TMCC2: variants seen among roughly 807,000 people sequenced by gnomAD.
TMCC2 encodes the protein transmembrane and coiled-coil domains protein 2.
A neutral mutation model predicts 49.4 loss-of-function variants in TMCC2; 16 were observed. The observed-to-expected ratio is 0.32, with a 90% CI of 0.22 to 0.49. The LOEUF (loss-of-function observed/expected upper bound fraction) is 0.49. Among genes scored for constraint, TMCC2 ranks in the 20% least tolerant of loss-of-function variants. TMCC2 has a pLI of 0.99. For synonymous variants in TMCC2, 397 were observed against 434.1 expected, an observed-to-expected ratio of 0.91 and a Z score of 1.06; for missense variants, 762 against 989.8, an observed-to-expected ratio of 0.77 and a Z score of 3.09.
intron 3 of TMCC2, among the ~76,000 whole-genome samples, chr1:205,270,720 C>A (rs1456204843): frequency 3.3e-5 from 5 of 152,316 alleles, no homozygotes; most frequent in Admixed American, 3.3e-4. Flanking sequence ...CCCTGGTACC[C>A]AGAGAGCATC....
intron 1 of TMCC2, among the ~76,000 whole-genome samples, chr1:205,231,484 A>G (rs776715733): frequency 6.6e-6 from 1 of 152,028 alleles, no homozygotes; most frequent in Non-Finnish European, 1.5e-5. Flanking sequence ...TTTTGTAGAG[A>G]CAGGGTCTTG....
chr1:205,251,888 CAGG>C (rs1660684311), intron 2 of TMCC2, among the ~76,000 whole-genome samples: 1 of 152,244 alleles, frequency 6.6e-6, no homozygotes, highest in Non-Finnish European at 1.5e-5. Flanking sequence ...CTTGAGTCAG[CAGG>C]AGCACACCAG....
At position 205,241,633 on chromosome 1, in the gene TMCC2, G is replaced by A. The variant is rs1383036875; in HGVS notation, c.336G>A (p.Gln112=). 1.2e-6 allele frequency: 2 copies of A among 1,613,922 alleles called. No individual in the cohort carries two copies. Among genetic ancestry groups the A allele is most frequent in the Non-Finnish European group, 1.7e-6 (2 of 1,180,002 alleles). ...ATTCCCAGCAGCATCAGCAGCAGCA[G>A]GGTATGTCCGACCATGACTCCCCAG... The part of the protein sequence containing the change: ...SQDSQQHQQQ[Q]GMSDHDSPDE... The change falls in exon 2 of 5, where the codon CAG becomes CAA. Residue 112 remains glutamine (Q), a synonymous_variant. Coordinates refer to ENST00000358024, the MANE Select transcript of TMCC2 (RefSeq NM_014858.4). The surrounding 1 kb of genome is among the most constrained non-coding windows in gnomAD (Gnocchi z 7.3).
At chr1:205,271,510 T>C (rs1345742521) in intron 4 of TMCC2, among the ~76,000 whole-genome samples, 1 of 152,236 alleles carries the variant, frequency 6.6e-6, no homozygotes, top group African/African-American at 2.4e-5. Context: ...ACCTCTTTGA[T>C]GGCAGCTTCG....
intron 2 of TMCC2, among the ~76,000 whole-genome samples, chr1:205,263,526 A>G (rs1661201559): frequency 6.6e-6 from 1 of 152,060 alleles, no homozygotes; most frequent in African/African-American, 2.4e-5. Flanking sequence ...CCCTTTCTCT[A>G]CAAAAAAATA....
At chr1:205,232,364 C>A (rs1158083043) in intron 1 of TMCC2, among the ~76,000 whole-genome samples, 1 of 152,204 alleles carries the variant, frequency 6.6e-6, no homozygotes, top group Non-Finnish European at 1.5e-5. Context: ...CACAACAATT[C>A]AGTCCCATTC....
chr1:205,263,318 A>G (rs961805465), intron 2 of TMCC2, among the ~76,000 whole-genome samples: 1 of 152,044 alleles, frequency 6.6e-6, no homozygotes, highest in Admixed American at 6.6e-5. Context: ...AAGGATTTGC[A>G]CGCCCTCAGA....
intron 2 of TMCC2, among the ~76,000 whole-genome samples, chr1:205,250,162 A>T (rs1347539931): frequency 6.6e-6 from 1 of 152,142 alleles, no homozygotes; most frequent in Non-Finnish European, 1.5e-5. Flanking sequence ...GACTTTTCAG[A>T]CAGAATCAGC....
At chr1:205,229,061 A>G in intron 1 of TMCC2, 1 of 1,253,996 alleles carries the variant, frequency 8.0e-7, no homozygotes, top group Non-Finnish European at 1.0e-6. Context: ...TCGCAGACAA[A>G]GGGCTGGAGA....
chr1:205,258,891 C>A (rs2102587556), intron 2 of TMCC2, among the ~76,000 whole-genome samples: 1 of 152,348 alleles, frequency 6.6e-6, no homozygotes, highest in South Asian at 2.1e-4. Flanking sequence ...AAAAGGGAAT[C>A]TGAGCGTTCT....
chr1:205,257,084 G>GCGCTCGGTGATCCTCCCT (rs1558652533), intron 2 of TMCC2: 1 of 1,073,036 alleles, frequency 9.3e-7, no homozygotes, highest in Non-Finnish European at 1.2e-6. Flanking sequence ...CGGTCCTCCC[G>GCGCTCGGTGATCCTCCCT]CGCTCGGTGA....
At position 205,264,287 on chromosome 1, in the gene TMCC2, A is replaced by G. The variant is rs902030174; in HGVS notation, c.748-4663A>G. 6.6e-6 allele frequency among the ~76,000 whole-genome samples: 1 copy of G among 152,206 alleles called. No homozygotes were observed. Among genetic ancestry groups the G allele is most frequent in the Non-Finnish European group, 1.5e-5 (1 of 68,032 alleles). On this transcript the variant is annotated intron_variant, in intron 2 of 4. Coordinates refer to ENST00000358024, the MANE Select transcript of TMCC2 (RefSeq NM_014858.4). The surrounding 1 kb of genome is among the most constrained non-coding windows in gnomAD (Gnocchi z 4.2). The stretch of plus-strand genomic sequence containing the variant: ...AGTACAATGTAAATACTATGAAAAT[A>G]GAAAATAGTGTGACACTGTTGTTTC...
In TMCC2 at chr1:205,243,383, C is replaced by CA. The variant is rs935646488; in HGVS notation, c.747+1348dup. Among the ~76,000 whole-genome samples, 19 of 144,246 alleles carry CA rather than the reference C, an allele frequency of 1.3e-4. 1 individual carries two copies. Among genetic ancestry groups the CA allele is most frequent in the Middle Eastern group, 3.5e-3 (1 of 284 alleles). The allele number at this position is 144,246 out of a possible 152,430, so 94.6% of individuals were successfully genotyped here. On this transcript the variant is annotated intron_variant, in intron 2 of 4. Coordinates refer to ENST00000358024, the MANE Select transcript of TMCC2 (RefSeq NM_014858.4). ...TGGGAGACAGAGCGAGACTTCGTCTCAAAAAAAAAGAAAAAACCAACAAAA... is the reference window on the plus strand; with the variant it reads ...TGGGAGACAGAGCGAGACTTCGTCTCAAAAAAAAAAGAAAAAACCAACAAAA...
At position 205,271,718 on chromosome 1, in the gene TMCC2, C is replaced by A. The variant is rs957982013; in HGVS notation, c.1819-95C>A. ...CTCCTGGCCTTTGGAGAGGAGACTT[C>A]GTTATAGGCACCTTCTCAGTGGGGT... On this transcript the variant is annotated intron_variant, in intron 4 of 4. Transcript: ENST00000358024. 4.3e-5 allele frequency: 63 copies of A among 1,481,364 alleles called. 2 individuals are homozygous for A. The highest frequency in any genetic ancestry group is 9.3e-5 in the South Asian group (7 of 75,652). The allele number at this position is 1,481,364 out of a possible 1,614,324, so 91.8% of individuals were successfully genotyped here.
At chr1:205,238,207 A>G (rs1660130738) in intron 1 of TMCC2, among the ~76,000 whole-genome samples, 2 of 152,052 alleles carry the variant, frequency 1.3e-5, no homozygotes, top group South Asian at 4.1e-4. Context: ...CTCACTTCTG[A>G]AACTTGTAGC....
Position 205,264,933 on chromosome 1 carries a change from G to GTCTT in TMCC2, c.748-4017_748-4016insTCTT, listed in dbSNP as rs768849766. 6.6e-6 allele frequency among the ~76,000 whole-genome samples: 1 copy of GTCTT among 152,214 alleles called. No individual in the cohort carries two copies. The highest frequency in any genetic ancestry group is 1.5e-5 in the Non-Finnish European group (1 of 68,042). ...AAACATTTAGAATTTGAGAAAAAGA[G>GTCTT]AAGAGCCCAGAGGCCATAGGGAAAA... On this transcript the variant is annotated intron_variant, in intron 2 of 4. Coordinates refer to ENST00000358024, the MANE Select transcript of TMCC2 (RefSeq NM_014858.4). The surrounding 1 kb of genome is among the most constrained non-coding windows in gnomAD (Gnocchi z 4.2).
At chr1:205,237,872 C>T (rs575459507) in intron 1 of TMCC2, among the ~76,000 whole-genome samples, 69 of 152,310 alleles carry the variant, frequency 4.5e-4, no homozygotes, top group African/African-American at 1.5e-3. Flanking sequence ...GCCAACTCCC[C>T]TCACTTCCTT....
At chr1:205,228,999 G>A in intron 1 of TMCC2, 2 of 1,356,542 alleles carry the variant, frequency 1.5e-6, no homozygotes, top group Non-Finnish European at 9.5e-7. Context: ...TTCAGCAAGC[G>A]TTTTAGTGAC....
At position 205,228,523 on chromosome 1, in the gene TMCC2, C is replaced by G. The variant is rs1659657649; in HGVS notation, c.-42C>G. 1 of 1,552,216 alleles carries G rather than the reference C, an allele frequency of 6.4e-7. No individual in the cohort carries two copies. The highest frequency in any genetic ancestry group is 8.8e-7 in the Non-Finnish European group (1 of 1,140,894). On this transcript the variant is annotated 5_prime_UTR_variant, in exon 1 of 5. Coordinates refer to ENST00000358024, the MANE Select transcript of TMCC2 (RefSeq NM_014858.4). ...GGGGGTGCGGTCTTCCCCAAGACGG[C>G]GCGCTGGAAGGACAGATTCCCCTTG...
Sources: gnomAD v4.1 joint callset for allele counts (sites outside exome capture counted in the v4.1 genomes callset) on GRCh38, gnomAD v4.1.1 for gene constraint, Gnocchi (gnomAD v3.1) non-coding constraint, MANE v1.5 for transcripts, NCBI Gene and HGNC (gene_info 2026-07-23, HGNC 2026-07-21) for gene names.